The following GNB1 variants were observed in gnomAD, a reference collection of about 807,000 sequenced individuals.
GNB1 encodes G protein subunit beta 1.
In GNB1, 2 loss-of-function variants were observed where a neutral mutation model predicts 42.9. The observed-to-expected ratio is 0.05, with a 90% CI of 0.02 to 0.15. GNB1 has a LOEUF of 0.15. Ranked by LOEUF, GNB1 falls within the 10% of genes least tolerant of loss-of-function variation. The pLI is 1.00. For missense variants in GNB1, 193 were observed against 462.2 expected, an observed-to-expected ratio of 0.42 and a Z score of 5.34; for synonymous variants, 183 against 174.7, an observed-to-expected ratio of 1.05 and a Z score of -0.38.
intron 1 of GNB1, among the ~76,000 whole-genome samples, chr1:1,877,799 A>T (rs1175932997): frequency 6.6e-6 from 1 of 152,208 alleles, no homozygotes; most frequent in Non-Finnish European, 1.5e-5. Context: ...AGAGAGAAAA[A>T]CAAGAAGAGT....
chr1:1,840,476 C>T (rs1570697467), intron 1 of GNB1, among the ~76,000 whole-genome samples: 1 of 152,172 alleles, frequency 6.6e-6, no homozygotes. Context: ...TGCAGTGAGC[C>T]GAGATCGTGC....
intron 5 of GNB1, among the ~76,000 whole-genome samples, chr1:1,812,237 T>C (rs1421766035): frequency 6.6e-6 from 1 of 151,554 alleles, no homozygotes; most frequent in Non-Finnish European, 1.5e-5. Context: ...TTAGGAGAAA[T>C]ACCTATGTAA....
intron 5 of GNB1, among the ~76,000 whole-genome samples, 182 bp downstream of exon 5, chr1:1,815,574 G>A (rs1415208905): frequency 1.3e-5 from 2 of 152,238 alleles, no homozygotes; most frequent in African/African-American, 4.8e-5. Flanking sequence ...GCCCAGGTAA[G>A]TGGAAAACTG....
intron 5 of GNB1, among the ~76,000 whole-genome samples, chr1:1,807,550 C>T (rs1646718740): frequency 6.7e-6 from 1 of 149,856 alleles, no homozygotes; most frequent in Non-Finnish European, 1.5e-5. Context: ...CATTTCTCAC[C>T]CAAAATACCC....
At chr1:1,804,000 A>G (rs1407714332) in intron 7 of GNB1, among the ~76,000 whole-genome samples, 4 of 123,328 alleles carry the variant, frequency 3.2e-5, no homozygotes, top group Admixed American at 8.8e-5. Context: ...AAAAAAAAAA[A>G]AAAGAAAAAA....
At chr1:1,850,361 A>G (rs2101490019) in intron 1 of GNB1, among the ~76,000 whole-genome samples, 1 of 151,844 alleles carries the variant, frequency 6.6e-6, no homozygotes, top group East Asian at 1.9e-4. Context: ...CGAACTCCCG[A>G]CCTCAGGTGA....
intron 2 of GNB1, among the ~76,000 whole-genome samples, chr1:1,829,398 G>C (rs1304115685): frequency 6.6e-6 from 1 of 152,174 alleles, no homozygotes; most frequent in Non-Finnish European, 1.5e-5. Flanking sequence ...AATTTTTGGA[G>C]ATAAACTCAA....
At chr1:1,861,109 A>G (rs559797463) in intron 1 of GNB1, among the ~76,000 whole-genome samples, 2 of 69,780 alleles carry the variant, frequency 2.9e-5, no homozygotes, top group South Asian at 9.8e-4. Context: ...ACTCTGTCTC[A>G]CAAAAAAAAA....
At chr1:1,797,033 A>G (rs756899647) in intron 7 of GNB1, among the ~76,000 whole-genome samples, 2 of 152,202 alleles carry the variant, frequency 1.3e-5, no homozygotes, top group Non-Finnish European at 2.9e-5. Flanking sequence ...GGAAGAGCAC[A>G]GCATGGGTGC....
chr1:1,851,045 G>T (rs912055564), intron 1 of GNB1, among the ~76,000 whole-genome samples: 2 of 152,124 alleles, frequency 1.3e-5, no homozygotes, highest in Non-Finnish European at 2.9e-5. Flanking sequence ...CAAGGCGGGC[G>T]GATCACAAGG....
At chr1:1,887,221 G>A (rs1478968032) in intron 1 of GNB1, among the ~76,000 whole-genome samples, 2 of 152,104 alleles carry the variant, frequency 1.3e-5, no homozygotes, top group Admixed American at 6.5e-5. Context: ...CAAATCTTTC[G>A]GGCAGAGAAA....
intron 1 of GNB1, among the ~76,000 whole-genome samples, chr1:1,879,388 C>A (rs768509593): frequency 8.7e-4 from 132 of 152,258 alleles, no homozygotes; most frequent in Non-Finnish European, 1.7e-3. Context: ...TGCATGTTAC[C>A]ATACATAACA....
At chr1:1,853,896 A>G (rs1453986195) in intron 1 of GNB1, among the ~76,000 whole-genome samples, 2 of 152,188 alleles carry the variant, frequency 1.3e-5, no homozygotes, top group Non-Finnish European at 2.9e-5. Context: ...ATTATATAAC[A>G]ACATGAAAAT....
At chr1:1,814,228 T>C (rs1318513904) in intron 5 of GNB1, among the ~76,000 whole-genome samples, 1 of 152,188 alleles carries the variant, frequency 6.6e-6, no homozygotes, top group Non-Finnish European at 1.5e-5. Context: ...GTTTGTGCTC[T>C]AAAGCGGACA....
intron 3 of GNB1, among the ~76,000 whole-genome samples, chr1:1,820,683 T>TA (rs1646920243): frequency 6.6e-6 from 1 of 152,136 alleles, no homozygotes; most frequent in African/African-American, 2.4e-5. Flanking sequence ...ATGGAGAAAA[T>TA]AAAACATGAG....
At chr1:1,887,971 G>T (rs779630186) in intron 1 of GNB1, among the ~76,000 whole-genome samples, 3 of 152,162 alleles carry the variant, frequency 2.0e-5, no homozygotes, top group African/African-American at 4.8e-5. Flanking sequence ...GCAGTCTCTT[G>T]AATCTTCTAA....
chr1:1,807,265 C>A (rs1432423824), intron 5 of GNB1, among the ~76,000 whole-genome samples: 2 of 151,746 alleles, frequency 1.3e-5, no homozygotes, highest in African/African-American at 2.4e-5. Context: ...ACCAGCATGG[C>A]CTCATGCTAG....
At chr1:1,870,226 C>G (rs1367400135) in intron 1 of GNB1, among the ~76,000 whole-genome samples, 1 of 152,190 alleles carries the variant, frequency 6.6e-6, no homozygotes, top group African/African-American at 2.4e-5. Context: ...AGGTCTCACT[C>G]TGGCACCCAG....
chr1:1,830,914 A>G (rs559564493), intron 2 of GNB1, among the ~76,000 whole-genome samples: 5 of 152,288 alleles, frequency 3.3e-5, no homozygotes, highest in Admixed American at 1.3e-4. Context: ...CTATAATCCC[A>G]GCACTTTGAG....
Sources: gnomAD v4.1 joint callset for allele counts (sites outside exome capture counted in the v4.1 genomes callset) on GRCh38, gnomAD v4.1.1 for gene constraint, MANE v1.5 for transcripts, NCBI Gene and HGNC (gene_info 2026-07-23, HGNC 2026-07-21) for gene names.